The following TRAK1 variants were observed in gnomAD, a reference collection of about 807,000 sequenced individuals.
TRAK1 encodes trafficking kinesin-binding protein 1.
TRAK1 carries 33 observed loss-of-function variants against 92.1 expected under a neutral mutation model. The ratio of observed to expected loss-of-function variants is 0.36; its 90% confidence interval spans 0.27 to 0.48. The LOEUF (loss-of-function observed/expected upper bound fraction) is 0.48. Ranked by LOEUF, TRAK1 falls within the 20% of genes least tolerant of loss-of-function variation. The probability of loss-of-function intolerance (pLI) is 0.99; values close to 1 mark genes in which losing one functional copy is unlikely to be tolerated. For missense variants in TRAK1, 1,123 were observed against 1,257.9 expected (o/e 0.89, Z 1.62); for synonymous variants, 521 against 517.3 (o/e 1.01, Z -0.10).
chr3:42,175,374 C>T (rs149774611), intron 2 of TRAK1, among the ~76,000 whole-genome samples: 1 of 152,276 alleles, frequency 6.6e-6, no homozygotes, highest in African/African-American at 2.4e-5. Context: ...CTATCTAGAG[C>T]AATTTGAGCT....
chr3:42,128,851 G>GTT (rs11443835), intron 2 of TRAK1, among the ~76,000 whole-genome samples: 1 of 151,728 alleles, frequency 6.6e-6, no homozygotes, highest in Non-Finnish European at 1.5e-5. Context: ...GGGTAGAGCT[G>GTT]TTTTGTTATA....
rs1417908691 is a variant in TRAK1, at chr3:42,078,763, A to C, written c.-518-8341A>C. On this transcript the variant is annotated intron_variant, in intron 1 of 16. Coordinates refer to the TRAK1 transcript ENST00000487159. Reference sequence around the variant, plus strand: ...GGGAGATTCCATCTCAAAAAAAAAAAAAAAAAAAAGAAAGAAAGAAAGAAA... The same window carrying C: ...GGGAGATTCCATCTCAAAAAAAAAACAAAAAAAAAGAAAGAAAGAAAGAAA... Among the ~76,000 whole-genome samples the C allele has an allele frequency of 7.9e-5, 12 of 151,578 alleles. No homozygotes were observed. In the East Asian group the frequency reaches 1.6e-3, roughly 20 times the overall value.
At chr3:42,034,300 TA>T (rs1308449273) in intron 1 of TRAK1, among the ~76,000 whole-genome samples, 1 of 152,090 alleles carries the variant, frequency 6.6e-6, no homozygotes, top group African/African-American at 2.4e-5. Flanking sequence ...GGTCCTTTTT[TA>T]AAAAATTTGA....
upstream of TRAK1, among the ~76,000 whole-genome samples, chr3:42,086,787 T>C (rs1340147320): frequency 6.6e-6 from 1 of 152,222 alleles, no homozygotes; most frequent in Non-Finnish European, 1.5e-5. Flanking sequence ...TCTTTGTGTG[T>C]ATAAATCCTG....
intron 2 of TRAK1, among the ~76,000 whole-genome samples, chr3:42,164,844 A>G (rs541630485): frequency 6.6e-6 from 1 of 152,250 alleles, no homozygotes; most frequent in Non-Finnish European, 1.5e-5. Context: ...GCTGAACTGC[A>G]TGAATGAAAT....
At chr3:42,096,543 C>T (rs1028865832) in intron 1 of TRAK1, among the ~76,000 whole-genome samples, 20 of 152,346 alleles carry the variant, frequency 1.3e-4, no homozygotes, top group African/African-American at 4.6e-4. Flanking sequence ...CGTGAGCCAC[C>T]GCGCATGGCC....
At chr3:42,119,749 A>C (rs907696145) in intron 1 of TRAK1, among the ~76,000 whole-genome samples, 1 of 152,174 alleles carries the variant, frequency 6.6e-6, no homozygotes, top group Admixed American at 6.5e-5. Context: ...ACCTTACTGC[A>C]GGGAAAGCTG....
intron 14 of TRAK1, chr3:42,212,094 T>A: frequency 1.0e-6 from 1 of 985,394 alleles, no homozygotes; most frequent in South Asian, 4.7e-5. Context: ...CCATTTTGAT[T>A]CTTAGAATGT....
rs76890654 is a variant in TRAK1 at position 42,137,413 on chromosome 3, C to T, written c.286+11799C>T. Among the ~76,000 whole-genome samples the T allele has an allele frequency of 9.4e-3, 1,436 of 152,256 alleles. 31 individuals carry two copies. The highest frequency in any genetic ancestry group is 0.033 in the African/African-American group (1,358 of 41,542). On this transcript the variant is annotated intron_variant, in intron 2 of 15. Coordinates refer to ENST00000327628, the MANE Select transcript of TRAK1 (RefSeq NM_001042646.3). ...TCCTAAAGATTTTTTTATCCGATACCTGAGGAGGGATGTCTTACCTCTTTC... is the reference window on the plus strand; with the variant it reads ...TCCTAAAGATTTTTTTATCCGATACTTGAGGAGGGATGTCTTACCTCTTTC...
intron 1 of TRAK1, among the ~76,000 whole-genome samples, chr3:42,113,383 TACCCCTACCCCTACCTC>T (rs1708735023): frequency 2.8e-5 from 1 of 36,174 alleles, no homozygotes; most frequent in Non-Finnish European, 5.9e-5. Context: ...CCCCTACCCC[TACCCCTACCCCTACCTC>T]TACCCCTACC....
intron 2 of TRAK1, among the ~76,000 whole-genome samples, chr3:42,158,386 GT>G (rs571138081): frequency 1.1e-3 from 167 of 152,224 alleles, no homozygotes; most frequent in African/African-American, 3.9e-3. Flanking sequence ...CTTCTCAGGG[GT>G]TCAGAATAAC....
intron 1 of TRAK1, among the ~76,000 whole-genome samples, chr3:42,021,256 A>T (rs1701711876): frequency 1.3e-5 from 2 of 152,222 alleles, no homozygotes; most frequent in African/African-American, 4.8e-5. Flanking sequence ...AGAGAATAAA[A>T]GAGTGTCACC....
rs764898086 is a variant in TRAK1 at position 42,201,057 on chromosome 3, G to A, written c.1427+3G>A. 5 of 1,614,088 alleles carry A rather than the reference G, an allele frequency of 3.1e-6. No individual in the cohort carries two copies. The highest frequency in any genetic ancestry group is 1.1e-5 in the South Asian group (1 of 91,062). ...GAAACAGAGGCAGCCGACCTGGGGTGAGCAAGCTGGGAGTTTTCACTTCTC... is the reference window on the plus strand; with the variant it reads ...GAAACAGAGGCAGCCGACCTGGGGTAAGCAAGCTGGGAGTTTTCACTTCTC... On this transcript the variant is annotated splice_donor_region_variant and intron_variant, in intron 12 of 15. Coordinates refer to ENST00000327628, the MANE Select transcript of TRAK1 (RefSeq NM_001042646.3).
Position 42,125,514 on chromosome 3 carries a change from C to T in TRAK1, c.186C>T (p.Tyr62=), listed in dbSNP as rs201869432. 64 of 1,614,224 alleles carry T rather than the reference C, an allele frequency of 4.0e-5. No homozygotes were observed. Among genetic ancestry groups the T allele is most frequent in the African/African-American group, 3.5e-4 (26 of 75,062 alleles). ...PHYKLRADTI[Y]GYDHDDWLHT... is the part of the protein sequence containing the mutation. ...ATAAGTTAAGAGCCGACACCATCTA[C>T]GGTTATGACCACGACGACTGGCTCC... Residue 62 remains tyrosine, a synonymous_variant, in exon 2 of 16, where the codon TAC becomes TAT. Coordinates refer to ENST00000327628, the MANE Select transcript of TRAK1 (RefSeq NM_001042646.3).
chr3:42,035,231 T>TA (rs1702284395), intron 1 of TRAK1, among the ~76,000 whole-genome samples: 2 of 152,180 alleles, frequency 1.3e-5, no homozygotes, highest in South Asian at 4.1e-4. Context: ...TCTGGGAAGC[T>TA]ACACCCTCTT....
chr3:42,219,625 G>A lies in TRAK1; in HGVS notation c.2066+29G>A, dbSNP rs767826316. On this transcript the variant is annotated intron_variant, in intron 15 of 15. Transcript: ENST00000327628. ...AGGGACCCTGGCTTTGGGGTGGGCA[G>A]GGGTGGGGTGAAGTCAGGGCACTCC... is the stretch of plus-strand genomic sequence containing the variant. 38 of 1,593,198 alleles carry A rather than the reference G, an allele frequency of 2.4e-5. No homozygotes were observed. In the South Asian group the frequency reaches 3.5e-4, roughly 15 times the overall value.
At chr3:42,169,505 A>G (rs1702280363) in intron 2 of TRAK1, among the ~76,000 whole-genome samples, 1 of 152,020 alleles carries the variant, frequency 6.6e-6, no homozygotes, top group African/African-American at 2.4e-5. Context: ...TAGGCAATTC[A>G]CCTGACTTCT....
chr3:42,024,516 C>A (rs1701845816), intron 1 of TRAK1, among the ~76,000 whole-genome samples: 1 of 152,112 alleles, frequency 6.6e-6, no homozygotes, highest in South Asian at 2.1e-4. Context: ...GCAGCAATAG[C>A]ATTGGTATTT....
intron 12 of TRAK1, among the ~76,000 whole-genome samples, chr3:42,201,377 T>C (rs79733367): frequency 6.6e-6 from 1 of 152,070 alleles, no homozygotes; most frequent in East Asian, 1.9e-4. Flanking sequence ...GGAGAATCGC[T>C]TGAACCCGGG....
Sources: allele counts gnomAD v4.1 joint callset (sites outside exome capture counted in the v4.1 genomes callset), GRCh38; gene constraint gnomAD v4.1.1; transcripts MANE v1.5; gene names NCBI Gene and HGNC (gene_info 2026-07-23, HGNC 2026-07-21).